Variants in ZNF385D observed in about 807,000 individuals in gnomAD.
The protein encoded by ZNF385D is zinc finger protein 659.
A neutral mutation model predicts 35.8 loss-of-function variants in ZNF385D; 15 were observed. The ratio of observed to expected loss-of-function variants is 0.42; its 90% CI spans 0.28 to 0.64. The LOEUF (loss-of-function observed/expected upper bound fraction) is 0.64. Among genes scored for constraint, ZNF385D ranks in the 30% least tolerant of loss-of-function variants. The pLI is 0.23. For missense variants in ZNF385D, 474 were observed against 494.6 expected, an observed-to-expected ratio of 0.96 and a Z score of 0.39; for synonymous variants, 212 against 186.8, an observed-to-expected ratio of 1.13 and a Z score of -1.10.
intron 2 of ZNF385D, among the ~76,000 whole-genome samples, chr3:22,263,833 G>A (rs1239703750): frequency 2.0e-5 from 3 of 151,896 alleles, no homozygotes; most frequent in Non-Finnish European, 4.4e-5. Context: ...GTATTACTAG[G>A]TTGCTGCCAA....
intron 2 of ZNF385D, among the ~76,000 whole-genome samples, chr3:22,362,934 G>C (rs1221717325): frequency 6.6e-6 from 1 of 152,094 alleles, no homozygotes; most frequent in Non-Finnish European, 1.5e-5. Context: ...GCAAGAGGCA[G>C]AAAGAGTAAT....
chr3:21,716,566 G>A (rs1429830899), intron 1 of ZNF385D, among the ~76,000 whole-genome samples: 1 of 152,084 alleles, frequency 6.6e-6, no homozygotes, highest in Non-Finnish European at 1.5e-5. Flanking sequence ...GTTTTGCCTA[G>A]ATATGTGCCT....
chr3:21,702,064 C>G (rs1306567701), intron 1 of ZNF385D, among the ~76,000 whole-genome samples: 2 of 152,194 alleles, frequency 1.3e-5, no homozygotes, highest in Non-Finnish European at 2.9e-5. Flanking sequence ...CACAGCTCCA[C>G]TAGGCAGTGC....
rs180903034 is a variant in ZNF385D at position 21,581,279 on chromosome 3, G to A, written c.166-16595C>T. ...TTCCTTTCTTCAGTCTTTATCACTT[G>A]TATATCAGATGTATAATTCCTATCT... On this transcript the variant is annotated intron_variant, in intron 2 of 7. Coordinates refer to ENST00000281523, the MANE Select transcript of ZNF385D (RefSeq NM_024697.3). 5.5e-4 allele frequency among the ~76,000 whole-genome samples: 84 copies of A among 152,116 alleles called. 1 individual carries two copies. Among genetic ancestry groups the A allele is most frequent in the Admixed American group, 6.5e-5 (1 of 15,272 alleles).
intron 3 of ZNF385D, among the ~76,000 whole-genome samples, chr3:22,114,692 G>T (rs1489227004): frequency 6.6e-6 from 1 of 152,010 alleles, no homozygotes; most frequent in African/African-American, 2.4e-5. Context: ...AGATGCTGGG[G>T]TATTTTTCTA....
intron 3 of ZNF385D, among the ~76,000 whole-genome samples, chr3:22,113,477 C>G (rs554251243): frequency 1.5e-3 from 228 of 152,074 alleles, no homozygotes; most frequent in Middle Eastern, 3.4e-3. Context: ...ACTTAGCTAA[C>G]CTAAGATGAT....
chr3:21,616,584 A>G (rs970714979), intron 2 of ZNF385D, among the ~76,000 whole-genome samples: 10 of 152,136 alleles, frequency 6.6e-5, no homozygotes, highest in Non-Finnish European at 8.8e-5. Flanking sequence ...GCAAACCACA[A>G]ATGTTTCTCT....
intron 2 of ZNF385D, among the ~76,000 whole-genome samples, chr3:22,200,903 T>C (rs1559448037): frequency 6.6e-6 from 1 of 152,164 alleles, no homozygotes; most frequent in Non-Finnish European, 1.5e-5. Context: ...TAAGGTTATC[T>C]CTCTTGTTCC....
intron 3 of ZNF385D, among the ~76,000 whole-genome samples, chr3:21,787,944 CAAAAAAAAAAAAAAAAAAAAAAAAAA>C (rs560982379): frequency 4.0e-5 from 3 of 75,388 alleles, no homozygotes; most frequent in South Asian, 1.2e-3. Context: ...TTCGTCTCAA[CAAAAAAAAAAAAAAAAAAAAAAAAAA>C]AAAAAAAAAA....
At chr3:21,790,444 T>C (rs1166304707) in intron 3 of ZNF385D, among the ~76,000 whole-genome samples, 1 of 152,174 alleles carries the variant, frequency 6.6e-6, no homozygotes, top group African/African-American at 2.4e-5. Flanking sequence ...GGGTGATTGC[T>C]GTTTCTTTGT....
chr3:22,146,318 T>TA (rs1249724418), intron 3 of ZNF385D, among the ~76,000 whole-genome samples: 1 of 152,192 alleles, frequency 6.6e-6, no homozygotes, highest in African/African-American at 2.4e-5. Flanking sequence ...TTAAGCACGC[T>TA]AAAATTAAAA....
chr3:22,143,319 C>T (rs946789307), intron 3 of ZNF385D, among the ~76,000 whole-genome samples: 39 of 152,052 alleles, frequency 2.6e-4, no homozygotes, highest in African/African-American at 8.5e-4. Flanking sequence ...CGCCTGACCT[C>T]CTGATCTGCC....
intron 3 of ZNF385D, among the ~76,000 whole-genome samples, chr3:21,968,994 C>T (rs964831360): frequency 1.3e-5 from 2 of 152,128 alleles, no homozygotes; most frequent in African/African-American, 4.8e-5. Flanking sequence ...ACCCATTCTC[C>T]TGAGAGACAC....
At position 22,170,874 on chromosome 3, in the gene ZNF385D, T is replaced by C. The variant is rs1259177742; in HGVS notation, c.107-1839A>G. Among the ~76,000 whole-genome samples, 3 of 152,296 alleles carry C rather than the reference T, an allele frequency of 2.0e-5. No individual in the cohort carries two copies. In the East Asian group the frequency reaches 5.8e-4, roughly 29 times the overall value. ...ATGATGGTGTGCTAAAATCACAATA[T>C]GCATAGCCATTAAAAGCAGATCAGG... On this transcript the variant is annotated intron_variant, in intron 2 of 5. Coordinates refer to the ZNF385D transcript ENST00000494108.
At chr3:22,109,762 G>A (rs1702413010) in intron 3 of ZNF385D, among the ~76,000 whole-genome samples, 1 of 152,206 alleles carries the variant, frequency 6.6e-6, no homozygotes, top group South Asian at 2.1e-4. Flanking sequence ...GGCAAAGAAA[G>A]CCAAAATTGA....
chr3:22,354,928 C>T (rs984705141), intron 2 of ZNF385D, among the ~76,000 whole-genome samples: 4 of 152,034 alleles, frequency 2.6e-5, no homozygotes, highest in Non-Finnish European at 5.9e-5. Context: ...GGCTACCATA[C>T]AGGAAAACAC....
At chr3:22,133,451 A>G (rs575032500) in intron 3 of ZNF385D, 1 of 149,974 alleles carries the variant, frequency 6.7e-6, no homozygotes, top group Admixed American at 6.6e-5. Context: ...GTTATATAAC[A>G]GACATATCAA....
intron 3 of ZNF385D, among the ~76,000 whole-genome samples, chr3:21,953,649 A>G (rs984233019): frequency 6.6e-6 from 1 of 152,074 alleles, no homozygotes; most frequent in Non-Finnish European, 1.5e-5. Flanking sequence ...TTTTCTAAAC[A>G]TTCAAGGAAT....
At chr3:22,105,651 G>C (rs574824668) in intron 3 of ZNF385D, among the ~76,000 whole-genome samples, 175 of 152,150 alleles carry the variant, frequency 1.2e-3, no homozygotes, top group African/African-American at 3.2e-3. Flanking sequence ...AGAGATGACA[G>C]ATGTCCTGGC....
Sources: allele counts gnomAD v4.1 joint callset (sites outside exome capture counted in the v4.1 genomes callset), GRCh38; gene constraint gnomAD v4.1.1; transcripts MANE v1.5; gene names NCBI Gene and HGNC (gene_info 2026-07-23, HGNC 2026-07-21).